PPA2: variants seen among roughly 807,000 people sequenced by gnomAD.
The protein encoded by PPA2 is inorganic pyrophosphatase 2, mitochondrial.
PPA2 carries 48 observed loss-of-function variants against 49.5 expected under a neutral mutation model. The observed-to-expected ratio is 0.97, with a 90% confidence interval of 0.77 to 1.23. PPA2 has a LOEUF of 1.23. PPA2 is among the 50% of genes most tolerant of loss of function. PPA2 has a pLI of 0.00. For missense variants in PPA2, 429 were observed against 410.1 expected, an observed-to-expected ratio of 1.05 and a Z score of -0.40; for synonymous variants, 131 against 139.9, an observed-to-expected ratio of 0.94 and a Z score of 0.45.
rs1166164836 is a variant in PPA2 at position 105,473,925 on chromosome 4, C to T, written c.126G>A (p.Gln42=). 9.3e-6 allele frequency: 15 copies of T among 1,607,640 alleles called. No individual in the cohort carries two copies. Among genetic ancestry groups the T allele is most frequent in the Non-Finnish European group, 1.3e-5 (15 of 1,176,000 alleles). Residue 42 remains glutamine, a synonymous_variant, in exon 1 of 12, where the codon CAG becomes CAA. Coordinates refer to ENST00000341695, the MANE Select transcript of PPA2 (RefSeq NM_176869.3). ...MALYHTEERG[Q]PCSQNYRLFF... is the part of the protein sequence containing the mutation. ...AGAGGCGGTAATTCTGCGAGCAGGGCTGGCCGCGCTCCTCAGTGTGGTACA... is the reference window on the plus strand; with the variant it reads ...AGAGGCGGTAATTCTGCGAGCAGGGTTGGCCGCGCTCCTCAGTGTGGTACA...
intron 1 of PPA2, among the ~76,000 whole-genome samples, chr4:105,460,506 C>T (rs190043379): frequency 1.3e-5 from 2 of 152,212 alleles, no homozygotes; most frequent in East Asian, 3.9e-4. Flanking sequence ...GCTCTTATTC[C>T]AAGAACAATC....
At chr4:105,395,606 A>G (rs1241924955) in intron 9 of PPA2, among the ~76,000 whole-genome samples, 3 of 152,222 alleles carry the variant, frequency 2.0e-5, no homozygotes, top group Admixed American at 1.3e-4. Flanking sequence ...AAGCCTCAAT[A>G]AAGGTGAATC....
chr4:105,441,972 C>T (rs1386062988), intron 5 of PPA2, among the ~76,000 whole-genome samples: 2 of 150,990 alleles, frequency 1.3e-5, no homozygotes, highest in African/African-American at 2.4e-5. Flanking sequence ...TATCACAAGT[C>T]GAAGGAAGAC....
At chr4:105,473,021 A>C (rs142299621) in intron 1 of PPA2, among the ~76,000 whole-genome samples, 451 of 152,346 alleles carry the variant, frequency 3.0e-3, no homozygotes, top group African/African-American at 0.01. Flanking sequence ...CTCCAGAGCC[A>C]GTGCTCCGAA....
intron 4 of PPA2, chr4:105,448,232 C>T (rs887474770): frequency 5.2e-6 from 1 of 190,900 alleles, no homozygotes; most frequent in African/African-American, 2.4e-5. Context: ...ATACATGAAA[C>T]AACACCAAAA....
At chr4:105,438,373 T>C (rs937089810) in intron 5 of PPA2, among the ~76,000 whole-genome samples, 1 of 152,216 alleles carries the variant, frequency 6.6e-6, no homozygotes, top group African/African-American at 2.4e-5. Flanking sequence ...TGTGCCCTTG[T>C]TTCTGTGTTT....
intron 7 of PPA2, among the ~76,000 whole-genome samples, chr4:105,421,157 C>A (rs1723235974): frequency 6.6e-6 from 1 of 152,120 alleles, no homozygotes; most frequent in African/African-American, 2.4e-5. Flanking sequence ...AAATATACAA[C>A]TTAGAGTTAT....
At position 105,370,877 on chromosome 4, in the gene PPA2, G is replaced by GAAAAAAAAAAAAA; in HGVS notation, c.940-5_940-4insTTTTTTTTTTTTT. The GAAAAAAAAAAAAA allele has an allele frequency of 6.8e-7, 1 of 1,469,862 alleles. No homozygotes were observed. The highest frequency in any genetic ancestry group is 2.6e-5 in the East Asian group (1 of 38,892). 91.1% of individuals were successfully genotyped at this position (1,469,862 alleles called of 1,614,324 possible). ...CTTTATTTGGTGAAGATGATACCTGGAAATAAAAACAGAGAAAGAATCTCT... is the reference window on the plus strand; with the variant it reads ...CTTTATTTGGTGAAGATGATACCTGGAAAAAAAAAAAAAAAATAAAAACAGAGAAAGAATCTCT... On this transcript the variant is annotated splice_region_variant and splice_polypyrimidine_tract_variant and intron_variant, in intron 10 of 11. Transcript: ENST00000341695.
intron 10 of PPA2, among the ~76,000 whole-genome samples, chr4:105,383,269 T>A (rs1352093615): frequency 6.6e-6 from 1 of 152,226 alleles, no homozygotes; most frequent in African/African-American, 2.4e-5. Context: ...TCTTTGCAGA[T>A]CTTTCAGATC....
chr4:105,375,805 A>G (rs1733227182), intron 10 of PPA2, among the ~76,000 whole-genome samples: 1 of 152,190 alleles, frequency 6.6e-6, no homozygotes, highest in African/African-American at 2.4e-5. Context: ...CAAAGGAACC[A>G]TTTGAGGAAC....
At chr4:105,472,492 C>T (rs566764689) in intron 1 of PPA2, among the ~76,000 whole-genome samples, 1 of 152,288 alleles carries the variant, frequency 6.6e-6, no homozygotes, top group South Asian at 2.1e-4. Context: ...AGTAGACAGG[C>T]CTTTTTTCAA....
At chr4:105,446,080 C>G (rs1446845271) in intron 5 of PPA2, 1 of 223,152 alleles carries the variant, frequency 4.5e-6, no homozygotes, top group East Asian at 9.6e-5. Flanking sequence ...GTAGATAAAG[C>G]CTCGCTTAAA....
At chr4:105,432,181 T>C (rs1723837248) in intron 6 of PPA2, among the ~76,000 whole-genome samples, 1 of 152,206 alleles carries the variant, frequency 6.6e-6, no homozygotes, top group Admixed American at 6.5e-5. Context: ...ATAAAACAGC[T>C]CCTATCCCTT....
intron 1 of PPA2, among the ~76,000 whole-genome samples, chr4:105,459,487 C>T (rs67554145): frequency 0.11 from 17,036 of 152,228 alleles, 1,009 homozygotes; most frequent in Non-Finnish European, 0.13. Context: ...AAATGGTGCA[C>T]TTGCTCTGGA....
chr4:105,390,109 T>A (rs563372534), intron 9 of PPA2, among the ~76,000 whole-genome samples: 1 of 152,270 alleles, frequency 6.6e-6, no homozygotes, highest in East Asian at 1.9e-4. Context: ...GCTATCCATA[T>A]GCAGAAAAGT....
Position 105,396,132 on chromosome 4 carries a change from T to C in PPA2, c.869+117A>G, listed in dbSNP as rs187303203. The C allele has an allele frequency of 1.3e-4, 72 of 557,450 alleles. No individual in the cohort carries two copies. The East Asian group carries it at 1.9e-3, about 15-fold the overall frequency. 34.5% of individuals were successfully genotyped at this position (557,450 alleles called of 1,614,324 possible). On this transcript the variant is annotated intron_variant, in intron 9 of 11. Transcript: ENST00000341695. ...CACTTAGTAATGCCCAATGAATAGG[T>C]AGATAATCTGTATTGTTTAAATTAA...
At chr4:105,438,335 T>G (rs540577921) in intron 5 of PPA2, among the ~76,000 whole-genome samples, 6 of 152,234 alleles carry the variant, frequency 3.9e-5, no homozygotes, top group African/African-American at 1.4e-4. Flanking sequence ...CATTCACTTT[T>G]AGAGTTTCAG....
At chr4:105,386,500 A>T (rs1733688229) in intron 10 of PPA2, 67 bp downstream of exon 10, 3 of 1,449,298 alleles carry the variant, frequency 2.1e-6, no homozygotes, top group Non-Finnish European at 2.9e-6. Context: ...TAGAGATTTC[A>T]GAATTTCTAC....
intron 5 of PPA2, among the ~76,000 whole-genome samples, chr4:105,444,035 T>C (rs1724495545): frequency 6.6e-6 from 1 of 152,232 alleles, no homozygotes. Flanking sequence ...GGGGTTTATT[T>C]TGTTTATTGT....
Sources: gnomAD v4.1 joint callset for allele counts (sites outside exome capture counted in the v4.1 genomes callset) on GRCh38, gnomAD v4.1.1 for gene constraint, MANE v1.5 for transcripts, NCBI Gene and HGNC (gene_info 2026-07-23, HGNC 2026-07-21) for gene names.